Variants in CLEC19A observed in about 807,000 individuals in gnomAD.
The protein encoded by CLEC19A is C-type lectin domain containing 19A.
In CLEC19A, 21 loss-of-function variants were observed where a neutral mutation model predicts 26.1. That is an observed-to-expected ratio of 0.80 (90% CI 0.57 to 1.16). The LOEUF (loss-of-function observed/expected upper bound fraction) is 1.16, where lower values mean the gene tolerates loss of function less well. CLEC19A is among the 50% of genes most tolerant of loss of function. CLEC19A has a pLI of 0.00. For missense variants in CLEC19A, 224 were observed against 227.6 expected, an observed-to-expected ratio of 0.98 and a Z score of 0.10; for synonymous variants, 89 against 88.6, an observed-to-expected ratio of 1.00 and a Z score of -0.03.
intron 1 of CLEC19A, among the ~76,000 whole-genome samples, chr16:19,292,293 G>A (rs1196106332): frequency 6.6e-6 from 1 of 152,148 alleles, no homozygotes; most frequent in Non-Finnish European, 1.5e-5. Context: ...GAAGGCCTGG[G>A]GTGGGGCCTG....
In CLEC19A at chr16:19,309,218, A is replaced by G. The variant is rs1335880740; in HGVS notation, c.*135A>G. On this transcript the variant is annotated 3_prime_UTR_variant, in exon 5 of 5. Transcript: ENST00000636231. ...TTGGACAGAGATTTTAAACAAGCAGATCTTAATTATACAGGGTGGTCACTT... is the reference window on the plus strand; with the variant it reads ...TTGGACAGAGATTTTAAACAAGCAGGTCTTAATTATACAGGGTGGTCACTT... 1.3e-5 allele frequency: 9 copies of G among 676,248 alleles called. No individual in the cohort carries two copies. In the Admixed American group the frequency reaches 2.5e-4, roughly 18 times the overall value. 41.9% of individuals were successfully genotyped at this position (676,248 alleles called of 1,614,324 possible).
chr16:19,298,588 A>G (rs1027483976), intron 1 of CLEC19A, 85 bp from the exon 2 acceptor site: 1 of 1,372,534 alleles, frequency 7.3e-7, no homozygotes, highest in Non-Finnish European at 9.8e-7. Flanking sequence ...AAAAGATTGT[A>G]AAGAAAAGAA....
At position 19,309,252 on chromosome 16, in the gene CLEC19A, G is replaced by T; in HGVS notation, c.*169G>T. On this transcript the variant is annotated 3_prime_UTR_variant, in exon 5 of 5. Coordinates refer to ENST00000636231, the MANE Select transcript of CLEC19A (RefSeq NM_001256720.2). ...ATACAGGGTGGTCACTTGGCCAAGT[G>T]TCAGGAAAGCCAGCTCAAATTGGCT... 1 of 514,692 alleles carries T rather than the reference G, an allele frequency of 1.9e-6. No homozygotes were observed. 31.9% of individuals were successfully genotyped at this position (514,692 alleles called of 1,614,324 possible).
intron 1 of CLEC19A, among the ~76,000 whole-genome samples, chr16:19,295,475 T>C (rs1214944538): frequency 6.6e-6 from 1 of 152,174 alleles, no homozygotes; most frequent in Non-Finnish European, 1.5e-5. Flanking sequence ...GGTGTTGGTA[T>C]TACAGGCGTG....
chr16:19,294,191 A>G (rs1213416567), intron 1 of CLEC19A, among the ~76,000 whole-genome samples: 1 of 152,018 alleles, frequency 6.6e-6, no homozygotes, highest in East Asian at 1.9e-4. Flanking sequence ...GAGAGCAGAG[A>G]CGTCCAGATT....
Position 19,285,920 on chromosome 16 carries a change from A to C in CLEC19A, c.69A>C (p.Thr23=). ...TLHSAQAFPQ[T]DISISPALPE... ...ACTCTGCACAGGCCTTTCCACAAAC[A>C]GACATCAGTATCAGTCCAGGTAAGT... Residue 23 remains threonine (T), a synonymous_variant, in exon 1 of 5, where the codon ACA becomes ACC. Coordinates refer to ENST00000636231, the MANE Select transcript of CLEC19A (RefSeq NM_001256720.2). 6.4e-7 allele frequency: 1 copy of C among 1,550,544 alleles called. No individual in the cohort carries two copies.
rs541236113 is a variant in CLEC19A at position 19,307,660 on chromosome 16, G to A, written c.464G>A (p.Trp155Ter). 6.3e-5 allele frequency: 97 copies of A among 1,548,290 alleles called. No individual in the cohort carries two copies. Among genetic ancestry groups the A allele is most frequent in the Middle Eastern group, 2.3e-4 (1 of 4,362 alleles). Residue 155 changes from tryptophan to a stop codon, truncating the protein, a stop_gained, in exon 4 of 5, where the codon TGG (tryptophan) becomes TAG (stop). Transcript: ENST00000636231. LOFTEE classifies it high-confidence loss of function. Reference protein sequence around the residue: ...DPEEEDCVQIWYRPTSALRSW... With the variant: ...DPEEEDCVQI ...GAAGAAGAGGACTGCGTGCAGATAT[G>A]GTACAGGCCTACCAGTGGTGGGTAC...
At chr16:19,289,623 C>A (rs1897540018) in intron 1 of CLEC19A, among the ~76,000 whole-genome samples, 1 of 152,164 alleles carries the variant, frequency 6.6e-6, no homozygotes, top group African/African-American at 2.4e-5. Flanking sequence ...ACGGATACTC[C>A]CTCCTAGGCT....
chr16:19,308,961 C>T (rs780398393), intron 4 of CLEC19A, 43 bp from the exon 5 acceptor site: 16 of 1,491,484 alleles, frequency 1.1e-5, no homozygotes, highest in South Asian at 3.6e-5. Flanking sequence ...TTTATCTTGG[C>T]GGATGGATTT....
chr16:19,301,042 C>T (rs1215995817), intron 2 of CLEC19A, among the ~76,000 whole-genome samples: 1 of 152,192 alleles, frequency 6.6e-6, no homozygotes, highest in Non-Finnish European at 1.5e-5. Context: ...GAGAGCACAG[C>T]ACAGTACAGG....
Position 19,310,783 on chromosome 16 carries a change from A to T in CLEC19A, c.*1700A>T, listed in dbSNP as rs1028713279. ...TTAGTGGTTGCCAGGGGATGTGTGG[A>T]GGGGGAATAGAAAGTGAGTGCTAAT... On this transcript the variant is annotated 3_prime_UTR_variant, in exon 5 of 5. Transcript: ENST00000636231. 2 of 152,190 alleles carry T rather than the reference A, an allele frequency of 1.3e-5. No homozygotes were observed. The highest frequency in any genetic ancestry group is 2.9e-5 in the Non-Finnish European group (2 of 68,054). The allele number at this position is 152,190 out of a possible 1,614,324, so 9.4% of individuals were successfully genotyped here.
At position 19,307,791 on chromosome 16, in the gene CLEC19A, A is replaced by C; in HGVS notation, c.481+114A>C. ...AGCACCTGATGGCCTGAGACTGGCA[A>C]ATTGTTCAGCACCTTGGAGAGCGGT... is the stretch of plus-strand genomic sequence containing the variant. On this transcript the variant is annotated intron_variant, in intron 4 of 4. Transcript: ENST00000636231. 2.1e-6 allele frequency: 3 copies of C among 1,398,928 alleles called. No homozygotes were observed. The South Asian group carries it at 4.0e-5, about 19-fold the overall frequency. The allele number at this position is 1,398,928 out of a possible 1,614,324, so 86.7% of individuals were successfully genotyped here.
chr16:19,304,287 A>T, intron 3 of CLEC19A, 132 bp downstream of exon 3: 2 of 723,176 alleles, frequency 2.8e-6, no homozygotes, highest in Non-Finnish European at 2.4e-6. Context: ...AGACACCAAG[A>T]TGTCACAGTT....
chr16:19,309,559 GA>G lies in CLEC19A; in HGVS notation c.*477del, dbSNP rs770147316. The G allele has an allele frequency of 6.4e-6, 1 of 155,512 alleles. No individual in the cohort carries two copies. The allele number at this position is 155,512 out of a possible 1,614,324, so 9.6% of individuals were successfully genotyped here. A position where few individuals can be genotyped will look rare whatever the true frequency, so the allele number is the denominator to read the frequency against. ...TTGGAAATAAGATTAATAAGTTTGG[GA>G]GGCTTAATGTACAGCGTGATGACTA... On this transcript the variant is annotated 3_prime_UTR_variant, in exon 5 of 5. Transcript: ENST00000636231.
At chr16:19,308,396 G>A (rs1045368898) in intron 4 of CLEC19A, among the ~76,000 whole-genome samples, 10 of 152,118 alleles carry the variant, frequency 6.6e-5, no homozygotes, top group African/African-American at 2.4e-4. Context: ...TGTGGCTAAT[G>A]ATACTTAACT....
At chr16:19,305,653 T>C (rs914395357) in intron 3 of CLEC19A, among the ~76,000 whole-genome samples, 3 of 152,180 alleles carry the variant, frequency 2.0e-5, no homozygotes, top group African/African-American at 7.2e-5. Context: ...AGTTTTTGTG[T>C]CTGTAAAATG....
In CLEC19A at chr16:19,298,687, C is replaced by A. The variant is rs1417791609; in HGVS notation, c.103C>A (p.Pro35Thr). 6.4e-7 allele frequency: 1 copy of A among 1,551,124 alleles called. No homozygotes were observed. The highest frequency in any genetic ancestry group is 1.2e-5 in the South Asian group (1 of 84,050). Residue 35 changes from proline to threonine, a missense_variant, in exon 2 of 5, where the codon CCC (proline) becomes ACC (threonine). Pro to Thr is a conservative substitution (Grantham distance 38). Transcript: ENST00000636231. ...ISISPALPELPLPSLCPLFWM... is the reference protein window; with the variant it reads ...ISISPALPELTLPSLCPLFWM... ...TCTGCCCCCAGCCCTGCCAGAGCTG[C>A]CCCTGCCTTCCCTGTGCCCCCTGTT...
chr16:19,293,868 A>G (rs1897646218), intron 1 of CLEC19A, among the ~76,000 whole-genome samples: 2 of 152,328 alleles, frequency 1.3e-5, no homozygotes, highest in African/African-American at 4.8e-5. Context: ...TGAGGTGTCC[A>G]TCACCTCAAG....
intron 1 of CLEC19A, among the ~76,000 whole-genome samples, chr16:19,292,042 A>G (rs1212389019): frequency 6.6e-6 from 1 of 152,176 alleles, no homozygotes; most frequent in Non-Finnish European, 1.5e-5. Flanking sequence ...TTTTTGAAAT[A>G]TCCACAGTCT....
Sources: allele counts gnomAD v4.1 joint callset (sites outside exome capture counted in the v4.1 genomes callset), GRCh38; gene constraint gnomAD v4.1.1; transcripts MANE v1.5; gene names NCBI Gene and HGNC (gene_info 2026-07-23, HGNC 2026-07-21).